The following PLCL1 variants were observed in gnomAD, a reference collection of about 807,000 sequenced individuals.
The protein encoded by PLCL1 is inactive phospholipase C-like protein 1.
PLCL1 carries 41 observed loss-of-function variants against 84.4 expected under a neutral mutation model. The ratio of observed to expected loss-of-function variants is 0.49; its 90% CI spans 0.38 to 0.63. PLCL1 has a LOEUF of 0.63. PLCL1 is among the 30% of genes least tolerant of loss of function. The probability of loss-of-function intolerance (pLI) is 0.00; values close to 1 mark genes in which losing one functional copy is unlikely to be tolerated. For missense variants in PLCL1, 1,206 were observed against 1,367.8 expected (o/e 0.88, Z 1.87); for synonymous variants, 490 against 488.3 (o/e 1.00, Z -0.05).
At chr2:197,888,100 AG>A (rs1259182809) in intron 1 of PLCL1, among the ~76,000 whole-genome samples, 2 of 151,910 alleles carry the variant, frequency 1.3e-5, no homozygotes, top group African/African-American at 4.8e-5. Context: ...AAAAAAAAAA[AG>A]GAAAAAATCT....
chr2:198,066,886 TC>T (rs891448116), intron 1 of PLCL1, among the ~76,000 whole-genome samples: 2 of 152,122 alleles, frequency 1.3e-5, no homozygotes, highest in African/African-American at 2.4e-5. Context: ...CTAAATTAGT[TC>T]CCCTCTACCT....
chr2:197,980,349 C>T (rs1035242562), intron 1 of PLCL1, among the ~76,000 whole-genome samples: 3 of 152,240 alleles, frequency 2.0e-5, no homozygotes, highest in Middle Eastern at 3.4e-3. Context: ...TGGGAGGTTC[C>T]AACAAGCAAA....
At chr2:197,992,146 G>A (rs1304440613) in intron 1 of PLCL1, among the ~76,000 whole-genome samples, 1 of 151,870 alleles carries the variant, frequency 6.6e-6, no homozygotes, top group Non-Finnish European at 1.5e-5. Context: ...CATGTGCCAT[G>A]TTGGTGTGCT....
intron 2 of PLCL1, among the ~76,000 whole-genome samples, chr2:198,086,447 C>A (rs573015688): frequency 6.6e-6 from 1 of 151,990 alleles, no homozygotes. Flanking sequence ...ATGGTGAAAC[C>A]CTGTATTTCT....
At chr2:197,918,936 GTCTCTCTCTCTCTC>G (rs71395692) in intron 1 of PLCL1, among the ~76,000 whole-genome samples, 2 of 83,160 alleles carry the variant, frequency 2.4e-5, no homozygotes, top group South Asian at 4.6e-4. Flanking sequence ...CGGAGACCCT[GTCTCTCTCTCTCTC>G]TCTCTCTCTC....
chr2:198,140,550 G>A (rs1403815458), intron 5 of PLCL1, among the ~76,000 whole-genome samples: 1 of 152,106 alleles, frequency 6.6e-6, no homozygotes, highest in East Asian at 1.9e-4. Flanking sequence ...TGATAGGAAA[G>A]CTATTGTAAC....
At chr2:197,962,626 A>G (rs545471867) in intron 1 of PLCL1, among the ~76,000 whole-genome samples, 1 of 152,120 alleles carries the variant, frequency 6.6e-6, no homozygotes, top group Admixed American at 6.5e-5. Flanking sequence ...GTTATTATAA[A>G]ATGTATAATA....
intron 1 of PLCL1, among the ~76,000 whole-genome samples, chr2:198,060,566 C>T (rs758339995): frequency 1.4e-4 from 21 of 152,148 alleles, no homozygotes; most frequent in South Asian, 2.1e-4. Context: ...GTCAATTTGT[C>T]CATGAAGATA....
chr2:198,019,476 C>A (rs1691081941), intron 1 of PLCL1, among the ~76,000 whole-genome samples: 1 of 151,196 alleles, frequency 6.6e-6, no homozygotes, highest in Non-Finnish European at 1.5e-5. Flanking sequence ...TGCAAGGAAG[C>A]TAATAACCTT....
At chr2:198,051,799 A>G (rs1220272235) in intron 1 of PLCL1, among the ~76,000 whole-genome samples, 1 of 152,092 alleles carries the variant, frequency 6.6e-6, no homozygotes, top group Non-Finnish European at 1.5e-5. Flanking sequence ...CAGTGGCGCG[A>G]TCTCGGCTCA....
At chr2:197,878,364 G>C (rs944173363) in intron 1 of PLCL1, among the ~76,000 whole-genome samples, 1 of 152,096 alleles carries the variant, frequency 6.6e-6, no homozygotes, top group African/African-American at 2.4e-5. Context: ...CATTTGACTT[G>C]TTACTGAAAA....
chr2:197,961,268 C>T (rs746844786), intron 1 of PLCL1, among the ~76,000 whole-genome samples: 1 of 109,678 alleles, frequency 9.1e-6, no homozygotes, highest in Non-Finnish European at 2.0e-5. Flanking sequence ...AGAGAGAGAG[C>T]GAGCATGCAT....
intron 1 of PLCL1, among the ~76,000 whole-genome samples, chr2:198,062,623 G>T (rs1358926191): frequency 1.3e-5 from 2 of 152,092 alleles, no homozygotes; most frequent in Non-Finnish European, 1.5e-5. Context: ...ATAATTAAAT[G>T]CAATGTCTAG....
intron 3 of PLCL1, among the ~76,000 whole-genome samples, chr2:198,094,446 T>A (rs149968536): frequency 6.6e-6 from 1 of 152,124 alleles, no homozygotes; most frequent in Non-Finnish European, 1.5e-5. Flanking sequence ...TCAAATGTAT[T>A]TGTAGCAAAA....
chr2:197,982,634 C>T (rs1690132097), intron 1 of PLCL1, among the ~76,000 whole-genome samples: 1 of 152,188 alleles, frequency 6.6e-6, no homozygotes, highest in Non-Finnish European at 1.5e-5. Flanking sequence ...TATGGGTGCA[C>T]TTACATATGT....
chr2:198,109,390 A>C (rs1468676430), intron 5 of PLCL1, among the ~76,000 whole-genome samples: 2 of 151,862 alleles, frequency 1.3e-5, no homozygotes, highest in African/African-American at 4.8e-5. Context: ...ATTGGGGATT[A>C]AGTTCCAACA....
At chr2:197,848,468 G>C (rs568882333) in intron 1 of PLCL1, among the ~76,000 whole-genome samples, 3 of 152,140 alleles carry the variant, frequency 2.0e-5, no homozygotes, top group Non-Finnish European at 4.4e-5. Context: ...TTTTCTTGTT[G>C]ATTTGTAGAG....
intron 1 of PLCL1, among the ~76,000 whole-genome samples, chr2:197,998,408 A>G (rs1190659238): frequency 6.6e-6 from 1 of 152,010 alleles, no homozygotes. Context: ...TAAATGTGTG[A>G]GGGGTGTGTG....
chr2:197,907,552 T>C (rs1318319313), intron 1 of PLCL1, among the ~76,000 whole-genome samples: 1 of 152,222 alleles, frequency 6.6e-6, no homozygotes, highest in African/African-American at 2.4e-5. Context: ...CAGATACCTT[T>C]ACCTTCAGTT....
Sources: gnomAD v4.1 joint callset for allele counts (sites outside exome capture counted in the v4.1 genomes callset) on GRCh38, gnomAD v4.1.1 for gene constraint, MANE v1.5 for transcripts, NCBI Gene and HGNC (gene_info 2026-07-23, HGNC 2026-07-21) for gene names.